Variants in ANO3 observed in about 807,000 individuals in gnomAD.
The protein encoded by ANO3 is anoctamin-3.
In ANO3, 99 loss-of-function variants were observed where a neutral mutation model predicts 144.8. The ratio of observed to expected loss-of-function variants is 0.68; its 90% CI spans 0.58 to 0.81. The LOEUF (loss-of-function observed/expected upper bound fraction) is 0.81. Ranked by LOEUF, ANO3 falls within the 30% of genes least tolerant of loss-of-function variation. The pLI is 0.00. For missense variants in ANO3, 905 were observed against 1,202.2 expected, an observed-to-expected ratio of 0.75 and a Z score of 3.66; for synonymous variants, 414 against 392.6, an observed-to-expected ratio of 1.05 and a Z score of -0.64.
chr11:26,244,662 A>G (rs1462531577), intron 1 of ANO3, among the ~76,000 whole-genome samples: 6 of 152,174 alleles, frequency 3.9e-5, no homozygotes, highest in Admixed American at 3.9e-4. Flanking sequence ...AAAATGCATC[A>G]CTAGTTAACA....
chr11:26,658,310 G>A (rs1368710324), intron 26 of ANO3, among the ~76,000 whole-genome samples: 1 of 152,120 alleles, frequency 6.6e-6, no homozygotes, highest in African/African-American at 2.4e-5. Flanking sequence ...AATAGTCAGT[G>A]TTATTAAAAT....
chr11:26,439,883 T>C (rs1858451134), intron 1 of ANO3, among the ~76,000 whole-genome samples: 1 of 152,218 alleles, frequency 6.6e-6, no homozygotes, highest in South Asian at 2.1e-4. Flanking sequence ...TTTTTAATTT[T>C]ATTTACTTCT....
intron 14 of ANO3, 72 bp downstream of exon 14, chr11:26,559,851 C>T (rs111383272): frequency 1.1e-3 from 920 of 867,408 alleles, no homozygotes; most frequent in South Asian, 2.1e-3. Flanking sequence ...CACACACACA[C>T]ACACACACAC....
intron 24 of ANO3, among the ~76,000 whole-genome samples, chr11:26,650,401 C>A (rs1853492605): frequency 6.6e-6 from 1 of 152,158 alleles, no homozygotes; most frequent in Non-Finnish European, 1.5e-5. Flanking sequence ...GTTCCGAGGG[C>A]AGTCCTTCTT....
intron 6 of ANO3, among the ~76,000 whole-genome samples, chr11:26,524,799 C>T (rs186990059): frequency 4.6e-5 from 7 of 152,174 alleles, no homozygotes; most frequent in Non-Finnish European, 1.0e-4. Context: ...GTTTACCATC[C>T]TCCACTCTTT....
intron 1 of ANO3, among the ~76,000 whole-genome samples, chr11:26,315,190 T>C (rs377470101): frequency 1.3e-5 from 2 of 152,170 alleles, no homozygotes; most frequent in Non-Finnish European, 2.9e-5. Flanking sequence ...TCCAAAAATA[T>C]CTGTGTATTA....
chr11:26,545,218 G>A (rs1401533198), intron 11 of ANO3, among the ~76,000 whole-genome samples: 2 of 151,996 alleles, frequency 1.3e-5, no homozygotes, highest in African/African-American at 4.8e-5. Context: ...GAGAGAAAGA[G>A]GGTGTTCAGA....
chr11:26,396,730 GA>G (rs1311901340), intron 1 of ANO3, among the ~76,000 whole-genome samples: 3 of 151,964 alleles, frequency 2.0e-5, no homozygotes, highest in Middle Eastern at 3.2e-3. Context: ...CTTATAAGTG[GA>G]AGTTGAACAA....
intron 1 of ANO3, among the ~76,000 whole-genome samples, chr11:26,303,841 T>A (rs922388783): frequency 3.9e-5 from 6 of 152,152 alleles, no homozygotes; most frequent in Admixed American, 3.9e-4. Flanking sequence ...TGCCTCAGCC[T>A]CCCAAGTAGC....
At chr11:26,258,788 C>A (rs1482910549) in intron 1 of ANO3, among the ~76,000 whole-genome samples, 1 of 152,056 alleles carries the variant, frequency 6.6e-6, no homozygotes, top group Non-Finnish European at 1.5e-5. Flanking sequence ...AATTAATGTC[C>A]AAAGAATGAT....
intron 1 of ANO3, among the ~76,000 whole-genome samples, chr11:26,283,217 C>T (rs1469630663): frequency 6.7e-6 from 1 of 150,030 alleles, no homozygotes; most frequent in African/African-American, 2.4e-5. Context: ...CATTGCATGT[C>T]ACATTTTTTC....
chr11:26,505,440 G>A (rs1861387214), intron 4 of ANO3, among the ~76,000 whole-genome samples: 1 of 152,212 alleles, frequency 6.6e-6, no homozygotes, highest in Non-Finnish European at 1.5e-5. Flanking sequence ...TTATTATGTA[G>A]TGGTCAACAT....
intron 1 of ANO3, among the ~76,000 whole-genome samples, chr11:26,299,622 G>A (rs1281577573): frequency 6.6e-6 from 1 of 152,006 alleles, no homozygotes; most frequent in African/African-American, 2.4e-5. Context: ...TGGGGAGGCG[G>A]AGACTGGCAT....
intron 7 of ANO3, among the ~76,000 whole-genome samples, chr11:26,528,118 A>G (rs1397451929): frequency 1.7e-4 from 26 of 152,120 alleles, no homozygotes; most frequent in Admixed American, 1.7e-3. Context: ...GAGTGTAGAT[A>G]ATGTATTAGA....
rs1362943291 is a variant in ANO3, at chr11:26,277,110, A to G, written c.155-32535A>G. Among the ~76,000 whole-genome samples the G allele has an allele frequency of 2.0e-5, 3 of 152,072 alleles. No homozygotes were observed. In the East Asian group the frequency reaches 5.8e-4, roughly 29 times the overall value. Reference sequence around the variant, plus strand: ...GGTAATTTAAGTCAGAAATAAATCCATCCATATAAAAAAGTAGATATCTCT... The same window carrying G: ...GGTAATTTAAGTCAGAAATAAATCCGTCCATATAAAAAAGTAGATATCTCT... On this transcript the variant is annotated intron_variant, in intron 1 of 27. Coordinates refer to the ANO3 transcript ENST00000672621.
At chr11:26,516,970 A>G (rs1350902433) in intron 6 of ANO3, 43 bp downstream of exon 6, 3 of 1,220,822 alleles carry the variant, frequency 2.5e-6, no homozygotes, top group Non-Finnish European at 3.5e-6. Flanking sequence ...TATATATTAA[A>G]ATGAGTCTAT....
intron 4 of ANO3, among the ~76,000 whole-genome samples, chr11:26,478,204 C>G (rs928247428): frequency 6.6e-6 from 1 of 152,118 alleles, no homozygotes; most frequent in African/African-American, 2.4e-5. Context: ...TCTATATGCT[C>G]TGGAGACCAC....
chr11:26,569,442 G>T (rs1300879811), intron 14 of ANO3, among the ~76,000 whole-genome samples: 2 of 151,984 alleles, frequency 1.3e-5, no homozygotes, highest in Non-Finnish European at 2.9e-5. Flanking sequence ...TCTGCTGCCT[G>T]GCTTCTAGGA....
chr11:26,203,265 A>G (rs758909041), intron 1 of ANO3, among the ~76,000 whole-genome samples: 8 of 152,156 alleles, frequency 5.3e-5, no homozygotes, highest in Non-Finnish European at 1.2e-4. Context: ...CAGAAATAAT[A>G]TGATTTTAAA....
Sources: gnomAD v4.1 joint callset for allele counts (sites outside exome capture counted in the v4.1 genomes callset) on GRCh38, gnomAD v4.1.1 for gene constraint, MANE v1.5 for transcripts, NCBI Gene and HGNC (gene_info 2026-07-23, HGNC 2026-07-21) for gene names.